AQP7B: variants seen among roughly 807,000 people sequenced by gnomAD.
The protein encoded by AQP7B is aquaporin 7B, also known as putative aquaporin-7B.
chr2:94,596,598 G>T, the AQP7B span, among the ~76,000 whole-genome samples: 3 of 152,344 alleles, frequency 2.0e-5, no homozygotes, highest in Admixed American at 6.5e-5. Flanking sequence ...CACTTATATT[G>T]TGTAGAATTA....
chr2:94,602,897 G>A, the AQP7B span: 6 of 1,041,622 alleles, frequency 5.8e-6, no homozygotes, highest in South Asian at 1.7e-5. Flanking sequence ...CCTGCCTCAC[G>A]GGGTGGTTGT....
the AQP7B span, among the ~76,000 whole-genome samples, chr2:94,589,433 G>T: frequency 6.6e-6 from 1 of 151,870 alleles, no homozygotes; most frequent in East Asian, 1.9e-4. Context: ...TTGCTCCAAG[G>T]CCACCTTCTC....
At chr2:94,593,474 C>T in the AQP7B span, among the ~76,000 whole-genome samples, 13 of 144,434 alleles carry the variant, frequency 9.0e-5, no homozygotes. Context: ...TATCCCTCCT[C>T]TTCCTCTTTT....
At chr2:94,602,894 C>A in the AQP7B span, 5 of 1,036,234 alleles carry the variant, frequency 4.8e-6, no homozygotes, top group African/African-American at 1.6e-5. Context: ...GCCCCTGCCT[C>A]ACGGGGTGGT....
chr2:94,596,922 A>G, the AQP7B span, among the ~76,000 whole-genome samples: 3 of 152,006 alleles, frequency 2.0e-5, no homozygotes, highest in East Asian at 1.9e-4. Context: ...CTGGTCTCGA[A>G]CTCCCGAATT....
At chr2:94,591,910 C>T in the AQP7B span, among the ~76,000 whole-genome samples, 1 of 152,200 alleles carries the variant, frequency 6.6e-6, no homozygotes, top group Non-Finnish European at 1.5e-5. Context: ...GGGCAATGCT[C>T]ATCACACTGC....
chr2:94,600,313 A>C, the AQP7B span, among the ~76,000 whole-genome samples: 2 of 152,358 alleles, frequency 1.3e-5, no homozygotes, highest in East Asian at 3.9e-4. Context: ...AATGCAAACC[A>C]TCTGTATAAT....
the AQP7B span, chr2:94,602,696 C>T: frequency 9.9e-6 from 14 of 1,409,298 alleles, no homozygotes; most frequent in Admixed American, 2.2e-4. Flanking sequence ...CAGCCAGCTC[C>T]TTTCCCAGCA....
chr2:94,591,016 G>A, the AQP7B span, among the ~76,000 whole-genome samples: 1 of 150,480 alleles, frequency 6.6e-6, no homozygotes, highest in Admixed American at 6.6e-5. Flanking sequence ...TAGCTATTTA[G>A]TTCCTTGGTT....
chr2:94,593,466 T>C, the AQP7B span, among the ~76,000 whole-genome samples: 1 of 145,446 alleles, frequency 6.9e-6, no homozygotes, highest in Non-Finnish European at 1.5e-5. Flanking sequence ...GGTATCTGTA[T>C]CCCTCCTCTT....
chr2:94,603,359 G>T, the AQP7B span: 2 of 1,588,660 alleles, frequency 1.3e-6, no homozygotes, highest in East Asian at 2.2e-5. Flanking sequence ...GGGCAGGTTC[G>T]CATGATAGTC....
the AQP7B span, chr2:94,603,518 G>A: frequency 1.2e-6 from 2 of 1,600,484 alleles, no homozygotes; most frequent in South Asian, 1.1e-5. Flanking sequence ...GGTCCAGGAT[G>A]AGTACCCCTC....
chr2:94,600,160 G>A, the AQP7B span, among the ~76,000 whole-genome samples: 5 of 151,908 alleles, frequency 3.3e-5, no homozygotes, highest in Non-Finnish European at 5.9e-5. Flanking sequence ...ATGAGCCACC[G>A]CACCCAGCCT....
the AQP7B span, chr2:94,603,745 T>C: frequency 4.0e-6 from 6 of 1,517,142 alleles, no homozygotes; most frequent in Non-Finnish European, 5.4e-6. Flanking sequence ...GCTGTGTCTC[T>C]TCACCATCAC....
chr2:94,597,603 GTC>G, the AQP7B span, among the ~76,000 whole-genome samples: 3 of 150,276 alleles, frequency 2.0e-5, no homozygotes, highest in Non-Finnish European at 3.0e-5. Context: ...TAATATCACA[GTC>G]TTTTTTGTTT....
chr2:94,601,081 C>G, the AQP7B span, among the ~76,000 whole-genome samples: 10 of 152,180 alleles, frequency 6.6e-5, no homozygotes, highest in African/African-American at 1.9e-4. Flanking sequence ...AACAGAGGCA[C>G]AAGAAAGCAA....
At chr2:94,596,107 A>G in the AQP7B span, among the ~76,000 whole-genome samples, 1 of 152,214 alleles carries the variant, frequency 6.6e-6, no homozygotes, top group Admixed American at 6.5e-5. Context: ...ACCAGGAAGA[A>G]GCCGTCAGCG....
At chr2:94,604,551 C>T in the AQP7B span, 2 of 1,605,958 alleles carry the variant, frequency 1.2e-6, no homozygotes, top group South Asian at 1.1e-5. Flanking sequence ...TTACATGAAT[C>T]CATGGCCCTA....
the AQP7B span, chr2:94,602,986 C>T: frequency 1.3e-6 from 2 of 1,543,918 alleles, no homozygotes; most frequent in African/African-American, 2.7e-5. Flanking sequence ...CTGTTTGTCA[C>T]TGTTGTTTGT....
Sources: allele counts gnomAD v4.1 joint callset (sites outside exome capture counted in the v4.1 genomes callset), GRCh38; gene constraint gnomAD v4.1.1; transcripts MANE v1.5; gene names NCBI Gene and HGNC (gene_info 2026-07-23, HGNC 2026-07-21).